Variants in SLC25A21 observed in about 807,000 individuals in gnomAD.
SLC25A21 encodes the protein solute carrier family 25 member 21.
In SLC25A21, 47 loss-of-function variants were observed where a neutral mutation model predicts 43.8. That is an observed-to-expected ratio of 1.07 (90% CI 0.85 to 1.37). The LOEUF is 1.37. SLC25A21 is among the 40% of genes most tolerant of loss of function. The pLI, the probability that SLC25A21 is intolerant of heterozygous loss-of-function variation, is 0.00. For missense variants in SLC25A21, 352 were observed against 350.2 expected (o/e 1.00, Z -0.04); for synonymous variants, 131 against 121.3 (o/e 1.08, Z -0.52).
At chr14:36,758,062 G>A (rs1466007745) in intron 3 of SLC25A21, among the ~76,000 whole-genome samples, 11 of 152,200 alleles carry the variant, frequency 7.2e-5, no homozygotes, top group Admixed American at 6.5e-5. Context: ...AGCAATGAAT[G>A]CAGACTGGCT....
At chr14:36,904,271 G>T (rs552950295) in intron 1 of SLC25A21, among the ~76,000 whole-genome samples, 50 of 152,200 alleles carry the variant, frequency 3.3e-4, no homozygotes, top group Non-Finnish European at 6.9e-4. Flanking sequence ...TCATTCGGGA[G>T]AATCTGAAAT....
intron 1 of SLC25A21, among the ~76,000 whole-genome samples, chr14:37,029,874 C>T (rs2138766349): frequency 6.6e-6 from 1 of 150,746 alleles, no homozygotes; most frequent in Non-Finnish European, 1.5e-5. Flanking sequence ...CAGTGATTCT[C>T]CTGCCTCAGC....
At chr14:37,168,700 G>GATCACATT (rs1436669608) in intron 1 of SLC25A21, among the ~76,000 whole-genome samples, 1 of 152,074 alleles carries the variant, frequency 6.6e-6, no homozygotes, top group Non-Finnish European at 1.5e-5. Flanking sequence ...AAGTCTTGGG[G>GATCACATT]ATCACATTCT....
chr14:37,047,732 A>G lies in SLC25A21; in HGVS notation c.70+124549T>C, dbSNP rs149032354. On this transcript the variant is annotated intron_variant, in intron 1 of 9. Transcript: ENST00000331299. ...CATTTGACTTGTTTTGTCCCTAGAAAACAAAAGTGTTTTATCTATACCCAC... is the reference window on the plus strand; with the variant it reads ...CATTTGACTTGTTTTGTCCCTAGAAGACAAAAGTGTTTTATCTATACCCAC... Among the ~76,000 whole-genome samples, 317 of 152,318 alleles carry G rather than the reference A, an allele frequency of 2.1e-3. 2 individuals carry two copies. Among genetic ancestry groups the G allele is most frequent in the African/African-American group, 7.1e-3 (297 of 41,568 alleles).
intron 2 of SLC25A21, among the ~76,000 whole-genome samples, chr14:36,860,470 A>C (rs2138530526): frequency 6.6e-6 from 1 of 152,288 alleles, no homozygotes; most frequent in East Asian, 1.9e-4. Flanking sequence ...AACAGTGCTG[A>C]ACTAGAACGC....
chr14:36,919,405 T>A (rs1229246077), intron 1 of SLC25A21, among the ~76,000 whole-genome samples: 3 of 152,056 alleles, frequency 2.0e-5, no homozygotes, highest in Non-Finnish European at 2.9e-5. Flanking sequence ...TTAACCTTTG[T>A]GTGAACACCT....
At chr14:36,718,132 T>G (rs1395843530) in intron 6 of SLC25A21, among the ~76,000 whole-genome samples, 2 of 152,162 alleles carry the variant, frequency 1.3e-5, no homozygotes, top group East Asian at 3.9e-4. Context: ...ATTCTGTAAA[T>G]GGTAGCTATT....
intron 1 of SLC25A21, among the ~76,000 whole-genome samples, chr14:36,937,952 T>G (rs1464992579): frequency 6.6e-6 from 1 of 152,194 alleles, no homozygotes; most frequent in Non-Finnish European, 1.5e-5. Flanking sequence ...TGTGTTTCCT[T>G]TTTAAATCCA....
At chr14:37,059,110 T>C (rs1335694557) in intron 1 of SLC25A21, among the ~76,000 whole-genome samples, 2 of 152,220 alleles carry the variant, frequency 1.3e-5, no homozygotes, top group Non-Finnish European at 2.9e-5. Flanking sequence ...GATCACGTCT[T>C]GTTTATCTTT....
Position 36,678,469 on chromosome 14 carries a change from ATCTGGAGTTCCCAG to A in SLC25A21, c.*2175_*2188del. 6.5e-7 allele frequency: 1 copy of A among 1,534,442 alleles called. No homozygotes were observed. The highest frequency in any genetic ancestry group is 1.4e-5 in the African/African-American group (1 of 73,110). On this transcript the variant is annotated 3_prime_UTR_variant, in exon 10 of 10. Transcript: ENST00000331299. ...TTGATCTTGTAAAACTTCCATTGAC[ATCTGGAGTTCCCAG>A]TCTGGTGAGAAAATAGACTATAAAC...
intron 1 of SLC25A21, among the ~76,000 whole-genome samples, chr14:36,916,216 T>C (rs1418098631): frequency 6.6e-6 from 1 of 152,226 alleles, no homozygotes; most frequent in Non-Finnish European, 1.5e-5. Flanking sequence ...GTCGTCAATA[T>C]GAGTGACCTC....
chr14:36,991,155 T>C (rs1001045255), intron 1 of SLC25A21, among the ~76,000 whole-genome samples: 5 of 152,218 alleles, frequency 3.3e-5, no homozygotes, highest in Admixed American at 2.0e-4. Context: ...ATCACACACC[T>C]GACTGCTTTA....
intron 1 of SLC25A21, among the ~76,000 whole-genome samples, chr14:37,015,139 C>G (rs1960821155): frequency 6.6e-6 from 1 of 151,768 alleles, no homozygotes; most frequent in South Asian, 2.1e-4. Flanking sequence ...GTGCTGCATC[C>G]ATTAACTCGT....
intron 1 of SLC25A21, among the ~76,000 whole-genome samples, chr14:37,092,230 A>G (rs926330778): frequency 6.6e-6 from 1 of 152,316 alleles, no homozygotes; most frequent in Middle Eastern, 3.4e-3. Context: ...GTAACATGGT[A>G]AGCCAAAAAG....
intron 1 of SLC25A21, among the ~76,000 whole-genome samples, chr14:36,925,597 A>G (rs1892108280): frequency 6.6e-6 from 1 of 152,204 alleles, no homozygotes; most frequent in African/African-American, 2.4e-5. Flanking sequence ...CTGTAATCCC[A>G]GCAGTTTGGG....
Position 37,172,556 on chromosome 14 carries a change from CAGCGCTCTCGCAGA to C in SLC25A21, c.-220_-207del. 2.8e-6 allele frequency: 2 copies of C among 713,624 alleles called. No homozygotes were observed. The highest frequency in any genetic ancestry group is 5.1e-6 in the Non-Finnish European group (2 of 393,646). 44.2% of individuals were successfully genotyped at this position (713,624 alleles called of 1,614,324 possible). ...TCTCCGGCGCGTCGGAACCTGTTCG[CAGCGCTCTCGCAGA>C]GGCGCCCTCGGCTCCGAAAATGTCT... On this transcript the variant is annotated 5_prime_UTR_variant, in exon 1 of 10. Coordinates refer to ENST00000331299, the MANE Select transcript of SLC25A21 (RefSeq NM_030631.4).
At chr14:37,077,850 G>A (rs1269253349) in intron 1 of SLC25A21, among the ~76,000 whole-genome samples, 1 of 152,182 alleles carries the variant, frequency 6.6e-6, no homozygotes, top group South Asian at 2.1e-4. Context: ...AAAATCTGCT[G>A]GTAACAATAT....
intron 1 of SLC25A21, among the ~76,000 whole-genome samples, chr14:37,066,718 ATAAG>A (rs1962068145): frequency 2.0e-5 from 3 of 152,156 alleles, no homozygotes; most frequent in South Asian, 4.1e-4. Context: ...ACATGTATAT[ATAAG>A]TATGTATATT....
intron 1 of SLC25A21, among the ~76,000 whole-genome samples, chr14:37,082,847 TACTA>T (rs1962415062): frequency 6.6e-6 from 1 of 152,216 alleles, no homozygotes; most frequent in Non-Finnish European, 1.5e-5. Context: ...TCTTCAGTAA[TACTA>T]AAGAAGGATA....
Sources: gnomAD v4.1 joint callset for allele counts (sites outside exome capture counted in the v4.1 genomes callset) on GRCh38, gnomAD v4.1.1 for gene constraint, MANE v1.5 for transcripts, NCBI Gene and HGNC (gene_info 2026-07-23, HGNC 2026-07-21) for gene names.